The following ROBO2 variants were observed in gnomAD, a reference collection of about 807,000 sequenced individuals.
ROBO2 encodes the protein roundabout homolog 2.
ROBO2 carries 53 observed loss-of-function variants against 160.8 expected under a neutral mutation model. That is an observed-to-expected ratio of 0.33 (90% CI 0.26 to 0.41). The LOEUF (loss-of-function observed/expected upper bound fraction) is 0.41. Ranked by LOEUF, ROBO2 falls within the 10% of genes least tolerant of loss-of-function variation. ROBO2 has a pLI of 1.00. For missense variants in ROBO2, 1,577 were observed against 1,722.4 expected, an observed-to-expected ratio of 0.92 and a Z score of 1.49; for synonymous variants, 664 against 611.7, an observed-to-expected ratio of 1.09 and a Z score of -1.26.
At chr3:77,096,988 G>A (rs950680843) in intron 1 of ROBO2, among the ~76,000 whole-genome samples, 2 of 151,882 alleles carry the variant, frequency 1.3e-5, no homozygotes, top group African/African-American at 4.8e-5. Flanking sequence ...TCGTGTCTCC[G>A]TTGCTATCCC....
chr3:76,473,944 A>G (rs775561262), intron 2 of ROBO2, among the ~76,000 whole-genome samples: 1 of 152,086 alleles, frequency 6.6e-6, no homozygotes, highest in African/African-American at 2.4e-5. Context: ...TCCAGACCCT[A>G]TGGATTTTAA....
rs2067782780 is a variant in ROBO2 at position 77,347,431 on chromosome 3, T to G, written c.389-129983T>G. On this transcript the variant is annotated intron_variant, in intron 2 of 25. Transcript: ENST00000461745. Reference sequence around the variant, plus strand: ...GCAATTTTCCCTCTTTCCTTCCCTCTTACCGTATAATTCCCATCAGCATAG... The same window carrying G: ...GCAATTTTCCCTCTTTCCTTCCCTCGTACCGTATAATTCCCATCAGCATAG... Among the ~76,000 whole-genome samples, 3 of 152,200 alleles carry G rather than the reference T, an allele frequency of 2.0e-5. No individual in the cohort carries two copies. In the South Asian group the frequency reaches 6.2e-4, roughly 32 times the overall value.
intron 2 of ROBO2, among the ~76,000 whole-genome samples, chr3:77,033,419 C>G (rs1156400981): frequency 6.6e-6 from 1 of 152,128 alleles, no homozygotes; most frequent in Non-Finnish European, 1.5e-5. Flanking sequence ...AAACATGACT[C>G]AGAATGAGGG....
chr3:77,150,442 C>T (rs2077457045), intron 2 of ROBO2, among the ~76,000 whole-genome samples: 1 of 152,124 alleles, frequency 6.6e-6, no homozygotes, highest in Admixed American at 6.5e-5. Context: ...TCGTGTTTGA[C>T]AATATTTTTG....
chr3:77,623,482 G>A (rs533711525), intron 23 of ROBO2, among the ~76,000 whole-genome samples: 56 of 152,334 alleles, frequency 3.7e-4, no homozygotes, highest in Middle Eastern at 3.4e-3. Context: ...GGATAAAGCA[G>A]CATCAGCGCC....
rs577783383 is a variant in ROBO2, at chr3:77,611,215, G to A, written c.3293+3261G>A. On this transcript the variant is annotated intron_variant, in intron 21 of 25. Transcript: ENST00000461745. ...TGGGAGGCTGAGGCAGGAGAATGGC[G>A]TGAACCTGGGAGGCGGAATTCGCAG... Among the ~76,000 whole-genome samples, 364 of 151,382 alleles carry A rather than the reference G, an allele frequency of 2.4e-3. 1 individual carries two copies. Among genetic ancestry groups the A allele is most frequent in the Non-Finnish European group, 4.0e-3 (274 of 67,886 alleles).
chr3:76,965,414 C>T (rs1427365312), intron 2 of ROBO2, among the ~76,000 whole-genome samples: 4 of 152,190 alleles, frequency 2.6e-5, no homozygotes, highest in Non-Finnish European at 5.9e-5. Context: ...TACTTGGTTC[C>T]ATAAATGTCT....
In ROBO2 at chr3:76,434,304, A is replaced by G. The variant is rs878883454; in HGVS notation, c.109+496702A>G. On this transcript the variant is annotated intron_variant, in intron 2 of 26. Transcript: ENST00000487694. ...ACAGCCAGCAGATAATAAGCTTTCC[A>G]ATTTGTTGGCACCCATCTCAGAGCA... is the stretch of plus-strand genomic sequence containing the variant. 6 of 1,081,610 alleles carry G rather than the reference A, an allele frequency of 5.5e-6. No homozygotes were observed. The East Asian group carries it at 9.4e-5, about 17-fold the overall frequency. 67.0% of individuals were successfully genotyped at this position (1,081,610 alleles called of 1,614,324 possible). A position where few individuals can be genotyped will look rare whatever the true frequency, so the allele number is the denominator to read the frequency against.
intron 2 of ROBO2, among the ~76,000 whole-genome samples, chr3:76,634,513 A>G (rs1413461258): frequency 6.6e-6 from 1 of 151,866 alleles, no homozygotes; most frequent in Admixed American, 6.6e-5. Flanking sequence ...GGTTGCAGTG[A>G]GCCGAGATCG....
intron 2 of ROBO2, among the ~76,000 whole-genome samples, chr3:76,062,902 G>C (rs1468595760): frequency 6.6e-6 from 1 of 152,054 alleles, no homozygotes; most frequent in African/African-American, 2.4e-5. Flanking sequence ...CATGTATGTT[G>C]GAGTTAATAT....
chr3:76,069,643 G>A (rs1363520909), intron 2 of ROBO2, among the ~76,000 whole-genome samples: 1 of 150,196 alleles, frequency 6.7e-6, no homozygotes, highest in Non-Finnish European at 1.5e-5. Context: ...ATGAAAATTA[G>A]AAACATCCTA....
intron 2 of ROBO2, among the ~76,000 whole-genome samples, chr3:75,999,352 T>G (rs2065818360): frequency 6.6e-6 from 1 of 152,190 alleles, no homozygotes; most frequent in African/African-American, 2.4e-5. Flanking sequence ...GAACATTAAA[T>G]GTCCCCCAAA....
At chr3:77,152,083 A>G (rs559083604) in intron 2 of ROBO2, among the ~76,000 whole-genome samples, 1 of 152,274 alleles carries the variant, frequency 6.6e-6, no homozygotes, top group South Asian at 2.1e-4. Context: ...CTGTTACTCA[A>G]TGTATTCATT....
At chr3:76,098,064 G>C (rs1025813704) in intron 2 of ROBO2, among the ~76,000 whole-genome samples, 1 of 152,090 alleles carries the variant, frequency 6.6e-6, no homozygotes, top group Non-Finnish European at 1.5e-5. Flanking sequence ...ATATTTAAGA[G>C]TGTGGTTCAC....
intron 2 of ROBO2, among the ~76,000 whole-genome samples, chr3:76,914,489 C>T (rs751815743): frequency 6.6e-6 from 1 of 151,752 alleles, no homozygotes; most frequent in Non-Finnish European, 1.5e-5. Context: ...ATAACTGCTA[C>T]CTATATCTAC....
At chr3:77,497,718 GT>G (rs2086987644) in intron 5 of ROBO2, among the ~76,000 whole-genome samples, 1 of 152,036 alleles carries the variant, frequency 6.6e-6, no homozygotes, top group African/African-American at 2.4e-5. Flanking sequence ...AGTGTTTTAT[GT>G]GATAGAAGTT....
At chr3:77,055,755 G>C (rs2065678382) in intron 1 of ROBO2, among the ~76,000 whole-genome samples, 1 of 151,902 alleles carries the variant, frequency 6.6e-6, no homozygotes, top group Non-Finnish European at 1.5e-5. Flanking sequence ...ACCCATTCCT[G>C]ATTGGTTTAT....
At chr3:76,304,308 A>T (rs889629253) in intron 2 of ROBO2, among the ~76,000 whole-genome samples, 9 of 152,230 alleles carry the variant, frequency 5.9e-5, no homozygotes, top group African/African-American at 1.2e-4. Context: ...AAAAACAAAG[A>T]ATTAAAGTGT....
At chr3:76,354,276 A>G (rs975154015) in intron 2 of ROBO2, among the ~76,000 whole-genome samples, 24 of 152,074 alleles carry the variant, frequency 1.6e-4, no homozygotes, top group African/African-American at 5.8e-4. Flanking sequence ...AGAAAGTGCC[A>G]CAACTCTGGA....
Sources: gnomAD v4.1 joint callset for allele counts (sites outside exome capture counted in the v4.1 genomes callset) on GRCh38, gnomAD v4.1.1 for gene constraint, MANE v1.5 for transcripts, NCBI Gene and HGNC (gene_info 2026-07-23, HGNC 2026-07-21) for gene names.